Variants in CLVS1 observed in about 807,000 individuals in gnomAD.
CLVS1 encodes the protein clavesin 1.
A neutral mutation model predicts 33.1 loss-of-function variants in CLVS1; 10 were observed. That is an observed-to-expected ratio of 0.30 (90% CI 0.19 to 0.51). The LOEUF (loss-of-function observed/expected upper bound fraction) is 0.51. Ranked by LOEUF, CLVS1 falls within the 20% of genes least tolerant of loss-of-function variation. The probability of loss-of-function intolerance (pLI) is 0.97; values close to 1 mark genes in which losing one functional copy is unlikely to be tolerated. For synonymous variants in CLVS1, 163 were observed against 166.1 expected (o/e 0.98, Z 0.14); for missense variants, 343 against 433.4 (o/e 0.79, Z 1.85).
rs75672914 is a variant in CLVS1, at chr8:61,168,674, G to C, written c.-152+36814G>C. 7.8e-3 allele frequency among the ~76,000 whole-genome samples: 1,183 copies of C among 152,184 alleles called. 4 individuals are homozygous for C. Among genetic ancestry groups the C allele is most frequent in the Admixed American group, 0.016 (250 of 15,302 alleles). On this transcript the variant is annotated intron_variant, in intron 2 of 2. Transcript: ENST00000522621. ...AATTTTCTCTCACTCGGCTGACTTG[G>C]AATCACAAAAAATTAAAAACTGTGT...
At chr8:61,208,533 T>G (rs1807904257) in intron 2 of CLVS1, among the ~76,000 whole-genome samples, 1 of 152,230 alleles carries the variant, frequency 6.6e-6, no homozygotes, top group Non-Finnish European at 1.5e-5. Flanking sequence ...TTATAAAAAT[T>G]ATCAGAACAT....
intron 5 of CLVS1, among the ~76,000 whole-genome samples, chr8:61,480,514 T>C (rs1370264557): frequency 6.6e-6 from 1 of 152,154 alleles, no homozygotes; most frequent in East Asian, 1.9e-4. Context: ...GGGAATTCCT[T>C]GACCCCTTGC....
At chr8:61,010,870 T>C in the CLVS1 span, among the ~76,000 whole-genome samples, 1 of 152,240 alleles carries the variant, frequency 6.6e-6, no homozygotes, top group Admixed American at 6.5e-5. Context: ...TGTGCTATGA[T>C]GTAAACTATG....
intron 2 of CLVS1, among the ~76,000 whole-genome samples, chr8:61,360,275 C>CA (rs908247729): frequency 7.9e-5 from 12 of 151,600 alleles, no homozygotes; most frequent in East Asian, 3.9e-4. Context: ...TTAAAAAACC[C>CA]AAAAAAAACT....
At position 61,501,289 on chromosome 8, in the gene CLVS1, C is replaced by T. The variant is rs1443115258; in HGVS notation, c.*1747C>T. On this transcript the variant is annotated 3_prime_UTR_variant, in exon 6 of 6. Transcript: ENST00000325897. ...AATAGTTGTGGGATACAAGTATTTA[C>T]AATGCTATTGGAGTCAATTATTGAC... is the stretch of plus-strand genomic sequence containing the variant. The T allele has an allele frequency of 6.6e-6, 1 of 152,134 alleles. No homozygotes were observed. Among genetic ancestry groups the T allele is most frequent in the Non-Finnish European group, 1.5e-5 (1 of 68,000 alleles). 9.4% of individuals were successfully genotyped at this position (152,134 alleles called of 1,614,324 possible).
chr8:61,316,655 AC>A (rs1811019464), intron 2 of CLVS1, among the ~76,000 whole-genome samples: 1 of 152,220 alleles, frequency 6.6e-6, no homozygotes, highest in African/African-American at 2.4e-5. Flanking sequence ...CTTAGATGGA[AC>A]CACAGTTTAC....
At chr8:60,980,383 G>A in the CLVS1 span, among the ~76,000 whole-genome samples, 2 of 152,182 alleles carry the variant, frequency 1.3e-5, no homozygotes, top group Admixed American at 1.3e-4. Flanking sequence ...AAGACTCAGG[G>A]CTAGAATTGT....
chr8:61,375,110 G>A (rs1813591112), intron 2 of CLVS1, among the ~76,000 whole-genome samples: 1 of 151,870 alleles, frequency 6.6e-6, no homozygotes, highest in Non-Finnish European at 1.5e-5. Context: ...TTCCTTTCAT[G>A]TTGCTAATCT....
In CLVS1 at chr8:61,305,991, C is replaced by G. The variant is rs185468505; in HGVS notation, c.455+5709C>G. On this transcript the variant is annotated intron_variant, in intron 2 of 5. Coordinates refer to ENST00000325897, the MANE Select transcript of CLVS1 (RefSeq NM_173519.3). ...GTCTTTGCTACTGTGAATAGTGCTG[C>G]AATGAACATACACGTGCATGTGTCT... Among the ~76,000 whole-genome samples, 703 of 152,262 alleles carry G rather than the reference C, an allele frequency of 4.6e-3. 5 individuals carry two copies. The highest frequency in any genetic ancestry group is 0.016 in the African/African-American group (657 of 41,542).
At chr8:61,126,546 A>G (rs1805976341) in intron 1 of CLVS1, among the ~76,000 whole-genome samples, 1 of 152,260 alleles carries the variant, frequency 6.6e-6, no homozygotes, top group African/African-American at 2.4e-5. Flanking sequence ...AATGGAACTG[A>G]TAATATTAAA....
At chr8:61,188,076 G>A (rs1171148686) in intron 2 of CLVS1, among the ~76,000 whole-genome samples, 1 of 152,058 alleles carries the variant, frequency 6.6e-6, no homozygotes, top group Non-Finnish European at 1.5e-5. Context: ...GAGATGTGAG[G>A]ACAGAAGTAA....
intron 2 of CLVS1, among the ~76,000 whole-genome samples, chr8:61,183,228 A>G (rs1807276484): frequency 6.6e-6 from 1 of 152,144 alleles, no homozygotes; most frequent in Admixed American, 6.5e-5. Flanking sequence ...AACCTAGATG[A>G]TGGGTTCATA....
At chr8:61,062,290 A>G (rs1033586700) in intron 1 of CLVS1, among the ~76,000 whole-genome samples, 1 of 152,240 alleles carries the variant, frequency 6.6e-6, no homozygotes, top group East Asian at 1.9e-4. Context: ...TGCACAAGCC[A>G]GCTGCACACC....
chr8:61,358,369 C>T (rs1489837273), intron 2 of CLVS1, among the ~76,000 whole-genome samples: 2 of 152,148 alleles, frequency 1.3e-5, no homozygotes, highest in African/African-American at 4.8e-5. Context: ...TGTTAGTTTT[C>T]CCATTATGCA....
At chr8:61,066,872 T>C (rs925225364) in intron 1 of CLVS1, among the ~76,000 whole-genome samples, 1 of 152,198 alleles carries the variant, frequency 6.6e-6, no homozygotes, top group Non-Finnish European at 1.5e-5. Flanking sequence ...TTTCCATACA[T>C]GTCCATCTGT....
chr8:61,017,405 G>T, the CLVS1 span, among the ~76,000 whole-genome samples: 3 of 152,234 alleles, frequency 2.0e-5, no homozygotes, highest in Non-Finnish European at 2.9e-5. Flanking sequence ...AGACACGGAG[G>T]TGCAAGAAGC....
the CLVS1 span, among the ~76,000 whole-genome samples, chr8:60,985,397 G>A: frequency 3.9e-5 from 6 of 152,108 alleles, no homozygotes; most frequent in Non-Finnish European, 8.8e-5. Flanking sequence ...GATCGCCACT[G>A]GTCCTCCTCT....
chr8:61,160,503 T>A (rs1442164402), intron 2 of CLVS1, among the ~76,000 whole-genome samples: 1 of 151,964 alleles, frequency 6.6e-6, no homozygotes, highest in East Asian at 1.9e-4. Flanking sequence ...AGAAGGAAAA[T>A]GGAAAAAGGA....
At chr8:61,037,951 T>A in the CLVS1 span, among the ~76,000 whole-genome samples, 1 of 152,106 alleles carries the variant, frequency 6.6e-6, no homozygotes, top group Admixed American at 6.6e-5. Context: ...CACAAGGGGA[T>A]CTTTGTGCTG....
Sources: allele counts gnomAD v4.1 joint callset (sites outside exome capture counted in the v4.1 genomes callset), GRCh38; gene constraint gnomAD v4.1.1; transcripts MANE v1.5; gene names NCBI Gene and HGNC (gene_info 2026-07-23, HGNC 2026-07-21).